Variants in QRICH1 observed in about 807,000 individuals in gnomAD.
The protein encoded by QRICH1 is glutamine rich 1.
In QRICH1, 16 loss-of-function variants were observed where a neutral mutation model predicts 87.1. The ratio of observed to expected loss-of-function variants is 0.18; its 90% confidence interval spans 0.12 to 0.28. QRICH1 has a LOEUF of 0.28. Ranked by LOEUF, QRICH1 falls within the 10% of genes least tolerant of loss-of-function variation. QRICH1 has a pLI of 1.00. For missense variants in QRICH1, 647 were observed against 951.7 expected, an observed-to-expected ratio of 0.68 and a Z score of 4.21; for synonymous variants, 367 against 368.4, an observed-to-expected ratio of 1.00 and a Z score of 0.05.
Position 49,056,964 on chromosome 3 carries a change from A to G in QRICH1, c.1236T>C (p.Thr412=). 2 of 1,614,132 alleles carry G rather than the reference A, an allele frequency of 1.2e-6. No homozygotes were observed. Among genetic ancestry groups the G allele is most frequent in the Non-Finnish European group, 1.7e-6 (2 of 1,180,024 alleles). Reference sequence around the variant, plus strand: ...GCTGTTGGGGGTCCCATATATGGACAGTTTGAGCCGTATTCTGGTACGTGC... The same window carrying G: ...GCTGTTGGGGGTCCCATATATGGACGGTTTGAGCCGTATTCTGGTACGTGC... ...VAGTYQNTAQ[T]VHIWDPQQQP... Residue 412 remains threonine (T), a synonymous_variant, in exon 3 of 10, where the codon ACT becomes ACC. Coordinates refer to ENST00000395443, the MANE Select transcript of QRICH1 (RefSeq NM_198880.3).
At chr3:49,068,191 C>G (rs1022731948) in intron 2 of QRICH1, among the ~76,000 whole-genome samples, 2 of 151,862 alleles carry the variant, frequency 1.3e-5, no homozygotes, top group African/African-American at 4.8e-5. Context: ...CCCCTCTCTC[C>G]ACAAAAAGTA....
intron 2 of QRICH1, among the ~76,000 whole-genome samples, 182 bp downstream of exon 2, chr3:49,076,527 A>C (rs1236697667): frequency 6.8e-6 from 1 of 148,144 alleles, no homozygotes; most frequent in Non-Finnish European, 1.5e-5. Flanking sequence ...GTTTGTTTAA[A>C]AAAAAAAAAA....
intron 2 of QRICH1, among the ~76,000 whole-genome samples, chr3:49,060,486 C>A (rs951251108): frequency 6.6e-6 from 1 of 152,192 alleles, no homozygotes; most frequent in African/African-American, 2.4e-5. Flanking sequence ...AGCCACCACA[C>A]CCAGCCCTAA....
At chr3:49,090,595 T>C (rs2042255631) in intron 1 of QRICH1, among the ~76,000 whole-genome samples, 1 of 139,048 alleles carries the variant, frequency 7.2e-6, no homozygotes. Flanking sequence ...GCTACTGCAC[T>C]CCAGCCTGGG....
At chr3:49,075,434 C>A (rs905304793) in intron 2 of QRICH1, among the ~76,000 whole-genome samples, 4 of 151,918 alleles carry the variant, frequency 2.6e-5, no homozygotes, top group African/African-American at 4.8e-5. Context: ...AGTTCGAGAC[C>A]AGCCTGGCCA....
At chr3:49,063,381 C>T (rs1473177763) in intron 2 of QRICH1, among the ~76,000 whole-genome samples, 2 of 152,176 alleles carry the variant, frequency 1.3e-5, no homozygotes, top group Admixed American at 6.6e-5. Context: ...TTATCAAGTC[C>T]TCCAGTGTAA....
At chr3:49,042,424 A>T (rs114176835) in intron 6 of QRICH1, among the ~76,000 whole-genome samples, 14 of 152,224 alleles carry the variant, frequency 9.2e-5, no homozygotes, top group African/African-American at 3.4e-4. Flanking sequence ...TCTTAAAGGC[A>T]TATTGCTAAA....
chr3:49,074,947 C>A (rs1169865027), intron 2 of QRICH1, among the ~76,000 whole-genome samples: 1 of 152,056 alleles, frequency 6.6e-6, no homozygotes, highest in Non-Finnish European at 1.5e-5. Flanking sequence ...CCACTGCAGT[C>A]CAGCCTGGGC....
intron 2 of QRICH1, among the ~76,000 whole-genome samples, chr3:49,067,319 G>A (rs1474559917): frequency 6.6e-6 from 1 of 152,092 alleles, no homozygotes; most frequent in Non-Finnish European, 1.5e-5. Flanking sequence ...TGTAATCCCA[G>A]CACTTTGGGA....
chr3:49,050,694 AAACAACAACAAC>A (rs138950270), intron 3 of QRICH1, among the ~76,000 whole-genome samples: 3 of 150,450 alleles, frequency 2.0e-5, no homozygotes, highest in Admixed American at 6.7e-5. Flanking sequence ...GGATCACAAA[AAACAACAACAAC>A]AACAACAACA....
At position 49,033,394 on chromosome 3, in the gene QRICH1, T is replaced by C. The variant is rs534630814; in HGVS notation, c.1787-166A>G. On this transcript the variant is annotated intron_variant, in intron 6 of 9. Coordinates refer to ENST00000395443, the MANE Select transcript of QRICH1 (RefSeq NM_198880.3). Reference sequence around the variant, plus strand: ...TCTGGAAAGCTTCTTAAAACACAGATAGCTGGGTCCCAATCTGTTTCTGAG... The same window carrying C: ...TCTGGAAAGCTTCTTAAAACACAGACAGCTGGGTCCCAATCTGTTTCTGAG... 18 of 411,594 alleles carry C rather than the reference T, an allele frequency of 4.4e-5. No individual in the cohort carries two copies. In the Admixed American group the frequency reaches 7.1e-4, roughly 16 times the overall value. 25.5% of individuals were successfully genotyped at this position (411,594 alleles called of 1,614,324 possible). A position where few individuals can be genotyped will look rare whatever the true frequency, so the allele number is the denominator to read the frequency against.
At chr3:49,082,866 G>A (rs1417937181) in intron 1 of QRICH1, among the ~76,000 whole-genome samples, 3 of 146,080 alleles carry the variant, frequency 2.1e-5, no homozygotes, top group East Asian at 4.1e-4. Context: ...CTGCACTCCA[G>A]CCTGGGCGAC....
chr3:49,069,363 A>G (rs912894658), intron 2 of QRICH1, among the ~76,000 whole-genome samples: 1 of 151,640 alleles, frequency 6.6e-6, no homozygotes, highest in Admixed American at 6.6e-5. Context: ...TGTCCTCCCA[A>G]AGTGCTGGGA....
chr3:49,085,628 C>T (rs943762902), intron 1 of QRICH1, among the ~76,000 whole-genome samples: 2 of 151,640 alleles, frequency 1.3e-5, no homozygotes, highest in Admixed American at 6.6e-5. Context: ...TGTGGTGACA[C>T]GTGCCTGTAA....
chr3:49,051,193 A>G (rs756653327), intron 3 of QRICH1, among the ~76,000 whole-genome samples: 24 of 152,168 alleles, frequency 1.6e-4, no homozygotes, highest in Non-Finnish European at 3.4e-4. Context: ...TGCTGCCACC[A>G]CTACCAGCAA....
At chr3:49,037,310 A>G (rs1238657179) in intron 6 of QRICH1, among the ~76,000 whole-genome samples, 1 of 152,202 alleles carries the variant, frequency 6.6e-6, no homozygotes, top group Non-Finnish European at 1.5e-5. Flanking sequence ...ATACATGGGG[A>G]AAAAAGAACA....
At chr3:49,085,536 C>G (rs1337848624) in intron 1 of QRICH1, among the ~76,000 whole-genome samples, 1 of 152,090 alleles carries the variant, frequency 6.6e-6, no homozygotes, top group Non-Finnish European at 1.5e-5. Flanking sequence ...GGGTGGATCA[C>G]CTGAGGTCAG....
Position 49,030,540 on chromosome 3 carries a change from T to C in QRICH1, c.2243A>G (p.Glu748Gly), listed in dbSNP as rs747183683. 1 of 1,614,028 alleles carries C rather than the reference T, an allele frequency of 6.2e-7. No individual in the cohort carries two copies. The highest frequency in any genetic ancestry group is 1.7e-5 in the Admixed American group (1 of 59,998). The change falls in exon 10 of 10, where the codon GAG becomes GGG. Residue 748 changes from glutamate (E) to glycine (G), a missense_variant. By Grantham distance (98) the Glu-to-Gly change is moderately conservative. Coordinates refer to ENST00000395443, the MANE Select transcript of QRICH1 (RefSeq NM_198880.3). The part of the protein sequence containing the change: ...IWYSVQPISR[E>G]QMGQMLTRIL... ...CCGCGTCAGCATTTGTCCCATCTGC[T>C]CTCTGCTGATAGGCTGGACTGAGTA... is the stretch of plus-strand genomic sequence containing the variant.
chr3:49,056,999 C>A lies in QRICH1; in HGVS notation c.1201G>T (p.Ala401Ser). 6.2e-7 allele frequency: 1 copy of A among 1,614,190 alleles called. No individual in the cohort carries two copies. The highest frequency in any genetic ancestry group is 8.5e-7 in the Non-Finnish European group (1 of 1,180,038). ...GNIHIPVAVQ[A>S]VAGTYQNTAQ... is the part of the protein sequence containing the mutation. ...GTATTCTGGTACGTGCCTGCCACAGCCTGCACAGCCACTGGAATGTGGATG... is the reference window on the plus strand; with the variant it reads ...GTATTCTGGTACGTGCCTGCCACAGACTGCACAGCCACTGGAATGTGGATG... Residue 401 changes from alanine (A) to serine (S), a missense_variant, in exon 3 of 10, where the codon GCT becomes TCT. Physicochemically the swap from Ala to Ser is moderately conservative, Grantham distance 99. Coordinates refer to ENST00000395443, the MANE Select transcript of QRICH1 (RefSeq NM_198880.3).
Sources: gnomAD v4.1 joint callset for allele counts (sites outside exome capture counted in the v4.1 genomes callset) on GRCh38, gnomAD v4.1.1 for gene constraint, MANE v1.5 for transcripts, NCBI Gene and HGNC (gene_info 2026-07-23, HGNC 2026-07-21) for gene names.